EPHB2: variants seen among roughly 807,000 people sequenced by gnomAD.
EPHB2 encodes ephrin type-B receptor 2.
In EPHB2, 18 loss-of-function variants were observed where a neutral mutation model predicts 96.4. The ratio of observed to expected loss-of-function variants is 0.19; its 90% CI spans 0.13 to 0.28. The LOEUF is 0.28. Among genes scored for constraint, EPHB2 ranks in the 10% least tolerant of loss-of-function variants. The pLI is 1.00. For missense variants in EPHB2, 989 were observed against 1,355.4 expected, an observed-to-expected ratio of 0.73 and a Z score of 4.25; for synonymous variants, 506 against 534.1, an observed-to-expected ratio of 0.95 and a Z score of 0.72.
intron 1 of EPHB2, among the ~76,000 whole-genome samples, chr1:22,764,800 G>A (rs574667084): frequency 2.6e-4 from 39 of 152,254 alleles, no homozygotes; most frequent in South Asian, 1.2e-3. Context: ...CGCTGGATAG[G>A]CCATTAGGCC....
intron 2 of EPHB2, 143 bp downstream of exon 2, chr1:22,781,628 A>C (rs1644534934): frequency 5.3e-6 from 4 of 750,270 alleles, no homozygotes; most frequent in Non-Finnish European, 4.6e-6. Flanking sequence ...CACCCTCCCA[A>C]TCCCCTACCA....
chr1:22,832,327 A>G (rs574125465), intron 3 of EPHB2, among the ~76,000 whole-genome samples: 7 of 152,302 alleles, frequency 4.6e-5, no homozygotes, highest in Non-Finnish European at 1.0e-4. Flanking sequence ...GGGCTGATTC[A>G]CAATACCGGG....
At position 22,906,187 on chromosome 1, in the gene EPHB2, C is replaced by A. The variant is rs1266888640; in HGVS notation, c.1888+78C>A. The stretch of plus-strand genomic sequence containing the variant: ...ACCACCCCAATGTATACCCTTGGGG[C>A]AGAAGGTAGGATGTGGGACAGGCGC... On this transcript the variant is annotated intron_variant, in intron 10 of 15. Coordinates refer to ENST00000374630, the MANE Select transcript of EPHB2 (RefSeq NM_017449.5). This position sits in a 1 kb window ranked among gnomAD's most constrained non-coding sequence, Gnocchi z 4.8. The A allele has an allele frequency of 1.5e-5, 24 of 1,602,478 alleles. No individual in the cohort carries two copies. The Admixed American group carries it at 3.2e-4, about 21-fold the overall frequency.
At chr1:22,752,257 G>C (rs932052211) in intron 1 of EPHB2, among the ~76,000 whole-genome samples, 3 of 152,206 alleles carry the variant, frequency 2.0e-5, no homozygotes, top group Non-Finnish European at 4.4e-5. Context: ...CAGCACTTTG[G>C]GGGGCCAAGG....
chr1:22,768,528 A>G (rs577714003), intron 1 of EPHB2, among the ~76,000 whole-genome samples: 2 of 152,132 alleles, frequency 1.3e-5, no homozygotes, highest in African/African-American at 4.8e-5. Flanking sequence ...TCTCTACTAA[A>G]TAAATAAATA....
intron 1 of EPHB2, among the ~76,000 whole-genome samples, chr1:22,739,792 A>G (rs1643881795): frequency 6.6e-6 from 1 of 152,092 alleles, no homozygotes; most frequent in Non-Finnish European, 1.5e-5. Context: ...CTGGGAGTAG[A>G]AGGAAGCTGC....
chr1:22,900,418 A>G (rs116421960), intron 9 of EPHB2, among the ~76,000 whole-genome samples: 2 of 152,306 alleles, frequency 1.3e-5, no homozygotes, highest in African/African-American at 2.4e-5. Flanking sequence ...AATTGTTTCA[A>G]TGCTTTACAT....
At position 22,896,446 on chromosome 1, in the gene EPHB2, C is replaced by T. The variant is rs375717760; in HGVS notation, c.1733C>T (p.Thr578Met). ...TTTGAGCGTGCTGACTCGGAGTACA[C>T]GGACAAGCTGCAACACTACACCAGT... Reference protein sequence around the residue: ...RGFERADSEYTDKLQHYTSGH... With the variant: ...RGFERADSEYMDKLQHYTSGH... Residue 578 changes from threonine (T) to methionine (M), a missense_variant, in exon 9 of 16, where the codon ACG becomes ATG. Physicochemically the swap from Thr to Met is moderately conservative, Grantham distance 81. Transcript: ENST00000374630. 1.5e-5 allele frequency: 24 copies of T among 1,614,150 alleles called. No individual in the cohort carries two copies. The highest frequency in any genetic ancestry group is 4.5e-5 in the East Asian group (2 of 44,878).
chr1:22,714,113 A>G (rs1036831497), intron 1 of EPHB2, among the ~76,000 whole-genome samples: 1 of 152,278 alleles, frequency 6.6e-6, no homozygotes, highest in South Asian at 2.1e-4. Context: ...TCTGGCTGAC[A>G]GGGTGCTGGA....
At position 22,733,576 on chromosome 1, in the gene EPHB2, A is replaced by AT. The variant is rs1288504055; in HGVS notation, c.61+22534dup. 6.6e-6 allele frequency among the ~76,000 whole-genome samples: 1 copy of AT among 152,208 alleles called. No individual in the cohort carries two copies. The highest frequency in any genetic ancestry group is 2.4e-5 in the African/African-American group (1 of 41,452). ...ATATACCATGGCCTTATTATGTGCC[A>AT]TGTTGCCATGCTGAATCCACCACTG... is the stretch of plus-strand genomic sequence containing the variant. On this transcript the variant is annotated intron_variant, in intron 1 of 15. Coordinates refer to ENST00000374630, the MANE Select transcript of EPHB2 (RefSeq NM_017449.5). This position sits in a 1 kb window ranked among gnomAD's most constrained non-coding sequence, Gnocchi z 4.6.
rs942722632 is a variant in EPHB2 at position 22,919,421 on chromosome 1, G to C, written c.*5851G>C. On this transcript the variant is annotated 3_prime_UTR_variant, in exon 16 of 16. Transcript: ENST00000374630. ...GCATGAAGGCTGCCTTGAGAAAGCT[G>C]ATATAACAAGAAGCAGCAGAAATTT... is the stretch of plus-strand genomic sequence containing the variant. The C allele has an allele frequency of 6.6e-6, 1 of 152,258 alleles. No homozygotes were observed. Among genetic ancestry groups the C allele is most frequent in the Admixed American group, 6.5e-5 (1 of 15,274 alleles). The allele number at this position is 152,258 out of a possible 1,614,324, so 9.4% of individuals were successfully genotyped here.
chr1:22,764,727 C>G (rs1644282947), intron 1 of EPHB2, among the ~76,000 whole-genome samples: 1 of 150,874 alleles, frequency 6.6e-6, no homozygotes, highest in South Asian at 2.1e-4. Context: ...GCCTGGGCAA[C>G]TCTCAAAAAA....
At chr1:22,810,379 G>A (rs987699635) in intron 3 of EPHB2, among the ~76,000 whole-genome samples, 1 of 152,124 alleles carries the variant, frequency 6.6e-6, no homozygotes, top group Non-Finnish European at 1.5e-5. Context: ...GGATTGCTTG[G>A]CCATTGAGCC....
chr1:22,884,653 AT>A (rs1179053729), intron 6 of EPHB2, among the ~76,000 whole-genome samples: 1 of 149,738 alleles, frequency 6.7e-6, no homozygotes, highest in African/African-American at 2.5e-5. Context: ...GAGGGAACCA[AT>A]GGGTGGCTGG....
At chr1:22,741,729 C>T (rs1427637203) in intron 1 of EPHB2, among the ~76,000 whole-genome samples, 1 of 145,446 alleles carries the variant, frequency 6.9e-6, no homozygotes, top group Admixed American at 7.1e-5. Context: ...TTGGCTCTGG[C>T]TCAGTGCAAT....
At chr1:22,844,831 C>T (rs561230493) in intron 3 of EPHB2, among the ~76,000 whole-genome samples, 81 of 152,294 alleles carry the variant, frequency 5.3e-4, no homozygotes, top group African/African-American at 1.9e-3. Context: ...GGTCCTTGGT[C>T]AGATCAAGAG....
rs1441596238 is a variant in EPHB2 at position 22,875,225 on chromosome 1, C to T, written c.1304-7134C>T. On this transcript the variant is annotated intron_variant, in intron 5 of 15. Coordinates refer to ENST00000374630, the MANE Select transcript of EPHB2 (RefSeq NM_017449.5). This position sits in a 1 kb window ranked among gnomAD's most constrained non-coding sequence, Gnocchi z 4.2. ...AGGTCATCCAGAATTGCAGCCAGAT[C>T]ATCGGGGGTTAACTGCGTTGCTACG... 6.6e-6 allele frequency among the ~76,000 whole-genome samples: 1 copy of T among 152,204 alleles called. No individual in the cohort carries two copies. The highest frequency in any genetic ancestry group is 1.5e-5 in the Non-Finnish European group (1 of 68,036).
chr1:22,912,626 C>T (rs1427994776), intron 15 of EPHB2, 27 bp downstream of exon 15: 3 of 1,612,000 alleles, frequency 1.9e-6, no homozygotes, highest in Admixed American at 3.3e-5. Flanking sequence ...TTCTGCTTGT[C>T]ACCTTAGCAC....
At chr1:22,888,933 T>A (rs1055106184) in intron 6 of EPHB2, among the ~76,000 whole-genome samples, 4 of 152,110 alleles carry the variant, frequency 2.6e-5, no homozygotes, top group Non-Finnish European at 5.9e-5. Flanking sequence ...GACGGGTGGA[T>A]CATTTGAGTC....
Sources: allele counts gnomAD v4.1 joint callset (sites outside exome capture counted in the v4.1 genomes callset), GRCh38; gene constraint gnomAD v4.1.1; non-coding constraint Gnocchi (gnomAD v3.1); transcripts MANE v1.5; gene names NCBI Gene and HGNC (gene_info 2026-07-23, HGNC 2026-07-21).